The following CUL1 variants were observed in gnomAD, a reference collection of about 807,000 sequenced individuals.
CUL1 encodes the protein cullin 1.
A neutral mutation model predicts 118.0 loss-of-function variants in CUL1; 24 were observed. The ratio of observed to expected loss-of-function variants is 0.20; its 90% CI spans 0.15 to 0.29. CUL1 has a LOEUF of 0.29. Ranked by LOEUF, CUL1 falls within the 10% of genes least tolerant of loss-of-function variation. The pLI, the probability that CUL1 is intolerant of heterozygous loss-of-function variation, is 1.00. For synonymous variants in CUL1, 332 were observed against 340.4 expected (o/e 0.98, Z 0.27); for missense variants, 361 against 933.8 (o/e 0.39, Z 7.99).
intron 6 of CUL1, among the ~76,000 whole-genome samples, chr7:148,760,123 T>C (rs1357934804): frequency 6.6e-6 from 1 of 152,210 alleles, no homozygotes; most frequent in African/African-American, 2.4e-5. Context: ...GGGTCAGAAT[T>C]ACTTGCTTTT....
At chr7:148,768,475 C>T (rs1177069896) in intron 9 of CUL1, among the ~76,000 whole-genome samples, 1 of 146,448 alleles carries the variant, frequency 6.8e-6, no homozygotes, top group Non-Finnish European at 1.5e-5. Flanking sequence ...ACCTCCGCTT[C>T]CTGGGTTCAA....
At chr7:148,700,937 G>A (rs1344604316) in intron 1 of CUL1, among the ~76,000 whole-genome samples, 4 of 152,080 alleles carry the variant, frequency 2.6e-5, no homozygotes, top group Non-Finnish European at 4.4e-5. Context: ...ACGCATGCCT[G>A]AGCTGATTCT....
chr7:148,768,664 C>T (rs764449993), intron 9 of CUL1, among the ~76,000 whole-genome samples: 2 of 152,042 alleles, frequency 1.3e-5, no homozygotes, highest in Admixed American at 6.6e-5. Flanking sequence ...AGATTACAGG[C>T]GTGAGTCGTC....
At chr7:148,773,252 C>T (rs530654709) in intron 9 of CUL1, among the ~76,000 whole-genome samples, 2 of 151,970 alleles carry the variant, frequency 1.3e-5, no homozygotes, top group Non-Finnish European at 2.9e-5. Flanking sequence ...TTTCATGAAC[C>T]CTGTCTTCCA....
chr7:148,702,463 C>G (rs138853473), intron 1 of CUL1, among the ~76,000 whole-genome samples: 2,346 of 152,246 alleles, frequency 0.015, 47 homozygotes, highest in African/African-American at 0.053. Context: ...CATGGGAATG[C>G]CACAGCTTTT....
chr7:148,699,805 C>T (rs931593849), intron 1 of CUL1, among the ~76,000 whole-genome samples: 3 of 152,082 alleles, frequency 2.0e-5, no homozygotes, highest in Admixed American at 1.3e-4. Context: ...GCGCTGCGGC[C>T]TCGGCGCGCC....
chr7:148,778,096 A>AAAAAAAAAAAAAAAAAAAAAAAAAAC (rs1563166639), intron 9 of CUL1, among the ~76,000 whole-genome samples: 4 of 59,306 alleles, frequency 6.7e-5, no homozygotes, highest in Non-Finnish European at 9.5e-5. Context: ...AAAAAAAAAA[A>AAAAAAAAAAAAAAAAAAAAAAAAAAC]AGAAGAAGAA....
intron 9 of CUL1, among the ~76,000 whole-genome samples, chr7:148,781,079 A>ATTTTTTTTTTTTTTTTTTTTTTTT (rs1197920664): frequency 1.1e-5 from 1 of 93,732 alleles, no homozygotes; most frequent in Non-Finnish European, 1.9e-5. Flanking sequence ...TCAAGGCCAG[A>ATTTTTTTTTTTTTTTTTTTTTTTT]TTTTTTTTTT....
rs527479939 is a variant in CUL1, at chr7:148,737,956, A to T, written c.140+7694A>T. On this transcript the variant is annotated intron_variant, in intron 2 of 21. Coordinates refer to ENST00000325222, the MANE Select transcript of CUL1 (RefSeq NM_003592.3). Reference sequence around the variant, plus strand: ...TGCAGAGTCTTTCCATGTGATTTTAATAGAAGTTACTTGTTTAAATTTCCA... The same window carrying T: ...TGCAGAGTCTTTCCATGTGATTTTATTAGAAGTTACTTGTTTAAATTTCCA... Among the ~76,000 whole-genome samples the T allele has an allele frequency of 2.0e-5, 3 of 152,258 alleles. No homozygotes were observed. In the East Asian group the frequency reaches 5.8e-4, roughly 29 times the overall value.
At chr7:148,719,981 C>T (rs243526) in intron 1 of CUL1, among the ~76,000 whole-genome samples, 68,655 of 152,086 alleles carry the variant, frequency 0.45, 16,449 homozygotes, top group African/African-American at 0.62. Context: ...ATTTGTGAAA[C>T]GTAGCTTGTA....
intron 1 of CUL1, among the ~76,000 whole-genome samples, chr7:148,717,071 T>C (rs895716208): frequency 6.6e-6 from 1 of 151,800 alleles, no homozygotes; most frequent in African/African-American, 2.4e-5. Context: ...TTGTTTTGTT[T>C]TGTTTTGAGA....
At chr7:148,781,867 A>G (rs1257163649) in intron 9 of CUL1, among the ~76,000 whole-genome samples, 1 of 152,172 alleles carries the variant, frequency 6.6e-6, no homozygotes, top group Non-Finnish European at 1.5e-5. Context: ...TAAAATAAGT[A>G]TTAATATTTA....
At chr7:148,790,835 A>G (rs570152205) in intron 16 of CUL1, among the ~76,000 whole-genome samples, 68 of 152,364 alleles carry the variant, frequency 4.5e-4, no homozygotes, top group South Asian at 2.9e-3. Context: ...CACCTTACAC[A>G]GAGCACTTTC....
intron 17 of CUL1, among the ~76,000 whole-genome samples, chr7:148,794,744 G>A (rs1437220298): frequency 6.6e-6 from 1 of 152,170 alleles, no homozygotes; most frequent in Non-Finnish European, 1.5e-5. Flanking sequence ...TCTTTCAACT[G>A]TGTCTCATGG....
chr7:148,755,133 C>T (rs539563154), intron 3 of CUL1, among the ~76,000 whole-genome samples: 4 of 152,294 alleles, frequency 2.6e-5, no homozygotes, highest in Admixed American at 1.3e-4. Flanking sequence ...TTCCTTCTAG[C>T]GTAGGTCCCT....
chr7:148,767,597 A>C, intron 8 of CUL1, 22 bp from the exon 9 acceptor site: 9 of 1,612,318 alleles, frequency 5.6e-6, no homozygotes, highest in South Asian at 1.1e-5. Context: ...CAGTGCATAA[A>C]AGGGGTTTCT....
intron 2 of CUL1, among the ~76,000 whole-genome samples, chr7:148,751,852 C>G (rs1034445903): frequency 1.3e-5 from 2 of 152,166 alleles, no homozygotes; most frequent in Admixed American, 1.3e-4. Flanking sequence ...CGGTGGCTCA[C>G]GCCTGTAATC....
intron 2 of CUL1, among the ~76,000 whole-genome samples, chr7:148,730,619 A>G (rs1263756602): frequency 6.6e-6 from 1 of 152,202 alleles, no homozygotes; most frequent in African/African-American, 2.4e-5. Flanking sequence ...TCAGCAGATC[A>G]TTTGTTTTAC....
chr7:148,769,443 AC>A (rs1161952847), intron 9 of CUL1, among the ~76,000 whole-genome samples: 3 of 148,374 alleles, frequency 2.0e-5, no homozygotes, highest in Non-Finnish European at 4.5e-5. Flanking sequence ...ACACACACAC[AC>A]ACACAAAACG....
Sources: allele counts gnomAD v4.1 joint callset (sites outside exome capture counted in the v4.1 genomes callset), GRCh38; gene constraint gnomAD v4.1.1; transcripts MANE v1.5; gene names NCBI Gene and HGNC (gene_info 2026-07-23, HGNC 2026-07-21).